Variants in HCN1 observed in about 807,000 individuals in gnomAD.
HCN1 encodes the protein potassium/sodium hyperpolarization-activated cyclic nucleotide-gated channel 1.
In HCN1, 13 loss-of-function variants were observed where a neutral mutation model predicts 78.9. The observed-to-expected ratio is 0.16, with a 90% CI of 0.11 to 0.26. The LOEUF (loss-of-function observed/expected upper bound fraction) is 0.26, where lower values mean the gene tolerates loss of function less well. Ranked by LOEUF, HCN1 falls within the 10% of genes least tolerant of loss-of-function variation. HCN1 has a pLI of 1.00. For synonymous variants in HCN1, 552 were observed against 455.5 expected, an observed-to-expected ratio of 1.21 and a Z score of -2.70; for missense variants, 810 against 1,154.3, an observed-to-expected ratio of 0.70 and a Z score of 4.32.
At chr5:45,398,420 TAAG>T (rs1030661173) in intron 3 of HCN1, among the ~76,000 whole-genome samples, 1 of 152,136 alleles carries the variant, frequency 6.6e-6, no homozygotes, top group Non-Finnish European at 1.5e-5. Flanking sequence ...CTCAGTAATT[TAAG>T]TGTACTCATT....
intron 2 of HCN1, among the ~76,000 whole-genome samples, chr5:45,486,424 A>G (rs1283009147): frequency 6.6e-6 from 1 of 152,140 alleles, no homozygotes; most frequent in Non-Finnish European, 1.5e-5. Context: ...ACCCAACATG[A>G]CATGGATAAA....
At chr5:45,586,921 T>C (rs942891744) in intron 2 of HCN1, among the ~76,000 whole-genome samples, 3 of 152,190 alleles carry the variant, frequency 2.0e-5, no homozygotes, top group Non-Finnish European at 4.4e-5. Flanking sequence ...TCAAAAAATA[T>C]GCACCTCAAT....
At chr5:45,670,175 CACAG>C (rs1746122683) in intron 1 of HCN1, among the ~76,000 whole-genome samples, 1 of 151,490 alleles carries the variant, frequency 6.6e-6, no homozygotes, top group Non-Finnish European at 1.5e-5. Context: ...GTATCTGCCA[CACAG>C]ACAGAAGAAA....
intron 5 of HCN1, among the ~76,000 whole-genome samples, chr5:45,335,685 C>A (rs1298100257): frequency 6.6e-6 from 1 of 152,094 alleles, no homozygotes; most frequent in Non-Finnish European, 1.5e-5. Context: ...TTTTTCACTG[C>A]ATTGTAGTAA....
chr5:45,457,605 G>T lies in HCN1; in HGVS notation c.1011+4241C>A, dbSNP rs187802505. 5.7e-4 allele frequency among the ~76,000 whole-genome samples: 87 copies of T among 152,142 alleles called. No individual in the cohort carries two copies. In the East Asian group the frequency reaches 0.017, roughly 29 times the overall value. On this transcript the variant is annotated intron_variant, in intron 3 of 7. Transcript: ENST00000303230. Reference sequence around the variant, plus strand: ...AGCCTGCACTTTTAGTCCGCTTTCCGTTGTTACAACAAAATACCACAGACT... The same window carrying T: ...AGCCTGCACTTTTAGTCCGCTTTCCTTTGTTACAACAAAATACCACAGACT...
chr5:45,541,253 G>GA (rs1160935495), intron 2 of HCN1, among the ~76,000 whole-genome samples: 5 of 151,706 alleles, frequency 3.3e-5, no homozygotes, highest in South Asian at 2.1e-4. Flanking sequence ...TCCTAATTCT[G>GA]AAAAAAAATG....
chr5:45,325,797 G>T (rs1053754836), intron 5 of HCN1, among the ~76,000 whole-genome samples: 25 of 151,560 alleles, frequency 1.6e-4, no homozygotes, highest in Admixed American at 6.6e-5. Context: ...GATTTCCCAT[G>T]ATTTCTCTGT....
chr5:45,609,923 A>C (rs1284676692), intron 2 of HCN1, among the ~76,000 whole-genome samples: 1 of 152,156 alleles, frequency 6.6e-6, no homozygotes, highest in Non-Finnish European at 1.5e-5. Flanking sequence ...AATTGTGTGA[A>C]GCTGATATAA....
intron 2 of HCN1, among the ~76,000 whole-genome samples, chr5:45,629,342 T>C (rs927230434): frequency 1.3e-5 from 2 of 152,156 alleles, no homozygotes; most frequent in Admixed American, 1.3e-4. Flanking sequence ...TGAGTAAATT[T>C]GACCTAATTG....
chr5:45,493,338 C>G (rs927509608), intron 2 of HCN1, among the ~76,000 whole-genome samples: 3 of 151,774 alleles, frequency 2.0e-5, no homozygotes, highest in African/African-American at 7.3e-5. Context: ...GAAAACTTAT[C>G]TTATACTCTA....
chr5:45,534,484 T>C (rs1425053534), intron 2 of HCN1, among the ~76,000 whole-genome samples: 1 of 144,336 alleles, frequency 6.9e-6, no homozygotes, highest in Non-Finnish European at 1.5e-5. Flanking sequence ...TGTGAGACCA[T>C]TTCTGCCTGA....
Position 45,329,170 on chromosome 5 carries a change from G to A in HCN1, c.1377+23930C>T, listed in dbSNP as rs551739030. Among the ~76,000 whole-genome samples, 53 of 151,568 alleles carry A rather than the reference G, an allele frequency of 3.5e-4. 1 individual carries two copies. The highest frequency in any genetic ancestry group is 1.8e-3 in the East Asian group (9 of 5,118). On this transcript the variant is annotated intron_variant, in intron 5 of 7. Transcript: ENST00000303230. The stretch of plus-strand genomic sequence containing the variant: ...CCATTCATAAGTATACAATTTGTCA[G>A]TACATTCACTATGTAATATCCTCAC...
intron 2 of HCN1, among the ~76,000 whole-genome samples, chr5:45,535,430 T>G (rs1742945568): frequency 6.6e-6 from 1 of 152,094 alleles, no homozygotes; most frequent in Non-Finnish European, 1.5e-5. Context: ...AAACCCCGTC[T>G]TTACAAAAAA....
Position 45,695,870 on chromosome 5 carries a change from T to TCGCCGCCGC in HCN1, c.215_223dup (p.Gly72_Gly74dup), listed in dbSNP as rs747975797. 451 of 1,563,430 alleles carry TCGCCGCCGC rather than the reference T, an allele frequency of 2.9e-4. No homozygotes were observed. Among genetic ancestry groups the TCGCCGCCGC allele is most frequent in the African/African-American group, 5.0e-4 (36 of 71,734 alleles). ...GTCTTCGAAGCCCCCCGCCGGCTCC[T>TCGCCGCCGC]CGCCGCCGCCGCCGCCGCCGCCACC... On this transcript the variant is annotated inframe_insertion, in exon 1 of 8. Coordinates refer to ENST00000303230, the MANE Select transcript of HCN1 (RefSeq NM_021072.4).
intron 1 of HCN1, among the ~76,000 whole-genome samples, chr5:45,670,330 A>T (rs535318192): frequency 2.2e-4 from 33 of 151,842 alleles, no homozygotes; most frequent in Admixed American, 5.9e-4. Flanking sequence ...CCACATTCTA[A>T]ATCCAACACA....
chr5:45,492,911 T>A (rs1741921416), intron 2 of HCN1, among the ~76,000 whole-genome samples: 1 of 152,168 alleles, frequency 6.6e-6, no homozygotes, highest in Admixed American at 6.6e-5. Context: ...ATGGAAAGCT[T>A]AGAAAAGTCT....
intron 2 of HCN1, among the ~76,000 whole-genome samples, chr5:45,462,412 C>A (rs1429247953): frequency 6.6e-6 from 1 of 151,928 alleles, no homozygotes; most frequent in Non-Finnish European, 1.5e-5. Flanking sequence ...TGTTGAAAGA[C>A]AAAGAAAATA....
At chr5:45,545,129 A>C (rs1236099679) in intron 2 of HCN1, among the ~76,000 whole-genome samples, 1 of 152,062 alleles carries the variant, frequency 6.6e-6, no homozygotes, top group East Asian at 1.9e-4. Flanking sequence ...TGACTTTTTA[A>C]TGATCGCCAT....
intron 2 of HCN1, among the ~76,000 whole-genome samples, chr5:45,512,333 TA>T (rs1742432515): frequency 6.6e-6 from 1 of 152,152 alleles, no homozygotes; most frequent in South Asian, 2.1e-4. Context: ...TCTAAAGTGC[TA>T]AAAAATAAGT....
Sources: allele counts gnomAD v4.1 joint callset (sites outside exome capture counted in the v4.1 genomes callset), GRCh38; gene constraint gnomAD v4.1.1; transcripts MANE v1.5; gene names NCBI Gene and HGNC (gene_info 2026-07-23, HGNC 2026-07-21).